Variants in ADAM22 observed in about 807,000 individuals in gnomAD.
The protein encoded by ADAM22 is disintegrin and metalloproteinase domain-containing protein 22.
ADAM22 carries 65 observed loss-of-function variants against 144.6 expected under a neutral mutation model. The observed-to-expected ratio is 0.45, with a 90% CI of 0.37 to 0.55. ADAM22 has a LOEUF of 0.55. ADAM22 is among the 20% of genes least tolerant of loss of function. The pLI, the probability that ADAM22 is intolerant of heterozygous loss-of-function variation, is 0.00. For synonymous variants in ADAM22, 391 were observed against 412.6 expected (o/e 0.95, Z 0.63); for missense variants, 974 against 1,184.9 (o/e 0.82, Z 2.61).
chr7:88,170,564 T>C (rs960395875), intron 25 of ADAM22, among the ~76,000 whole-genome samples: 1 of 151,856 alleles, frequency 6.6e-6, no homozygotes, highest in African/African-American at 2.4e-5. Context: ...GGCTTATTTT[T>C]CCCCCATCTG....
At chr7:88,144,546 TTG>T (rs1484093639) in intron 15 of ADAM22, among the ~76,000 whole-genome samples, 1 of 152,148 alleles carries the variant, frequency 6.6e-6, no homozygotes, top group Non-Finnish European at 1.5e-5. Flanking sequence ...GCTTTTCTCA[TTG>T]TCTATGAAAT....
At chr7:88,166,133 C>T (rs753475615) in intron 24 of ADAM22, among the ~76,000 whole-genome samples, 187 bp downstream of exon 24, 35 of 152,008 alleles carry the variant, frequency 2.3e-4, no homozygotes, top group African/African-American at 1.4e-4. Context: ...TGTAATATTA[C>T]GTATAACTTA....
chr7:88,189,852 G>A (rs1348815892), intron 30 of ADAM22, among the ~76,000 whole-genome samples: 6 of 152,148 alleles, frequency 3.9e-5, no homozygotes, highest in Non-Finnish European at 8.8e-5. Flanking sequence ...GCTGAGGCGG[G>A]AGAATCGCTT....
In ADAM22 at chr7:88,151,751, C is replaced by T. The variant is rs556697062; in HGVS notation, c.1681+431C>T. On this transcript the variant is annotated intron_variant, in intron 20 of 31. Coordinates refer to ENST00000413139, the MANE Select transcript of ADAM22 (RefSeq NM_001324418.2). ...GCATTTTATCTAGAGTCATTTTTTT[C>T]CTCCTTGGATATTTTTCTTAAACTC... 1.4e-4 allele frequency among the ~76,000 whole-genome samples: 22 copies of T among 152,190 alleles called. No individual in the cohort carries two copies. In the South Asian group the frequency reaches 4.6e-3, roughly 32 times the overall value.
chr7:87,953,118 G>T (rs1324671887), intron 2 of ADAM22, among the ~76,000 whole-genome samples: 1 of 146,696 alleles, frequency 6.8e-6, no homozygotes, highest in Non-Finnish European at 1.5e-5. Flanking sequence ...TTTTTGAAGG[G>T]TTTTTTTTTT....
At chr7:88,045,980 G>A (rs1217780353) in intron 3 of ADAM22, among the ~76,000 whole-genome samples, 1 of 149,268 alleles carries the variant, frequency 6.7e-6, no homozygotes, top group Non-Finnish European at 1.5e-5. Flanking sequence ...TAGATACTTA[G>A]TTTGACCCCA....
intron 4 of ADAM22, among the ~76,000 whole-genome samples, chr7:88,099,397 C>T (rs957570591): frequency 3.9e-5 from 6 of 152,064 alleles, no homozygotes; most frequent in African/African-American, 7.2e-5. Flanking sequence ...AGGAAAGGGC[C>T]GGCTAACCTG....
At chr7:88,126,177 C>T (rs370827173) in intron 8 of ADAM22, among the ~76,000 whole-genome samples, 40 of 152,074 alleles carry the variant, frequency 2.6e-4, no homozygotes, top group South Asian at 1.0e-3. Flanking sequence ...GTTGATATGA[C>T]GCTTTAAACC....
chr7:87,953,500 TGAGA>T (rs1290956549), intron 2 of ADAM22, among the ~76,000 whole-genome samples: 1 of 152,230 alleles, frequency 6.6e-6, no homozygotes, highest in East Asian at 1.9e-4. Context: ...CACTGTGGTC[TGAGA>T]GACAGTTTGT....
intron 15 of ADAM22, among the ~76,000 whole-genome samples, 194 bp from the exon 16 acceptor site, chr7:88,144,931 A>T (rs1835899386): frequency 6.6e-6 from 1 of 152,102 alleles, no homozygotes; most frequent in South Asian, 2.1e-4. Context: ...ATTAAATATG[A>T]AAAGGAAACA....
At chr7:88,186,742 C>A in intron 30 of ADAM22, 41 bp downstream of exon 30, 1 of 1,234,772 alleles carries the variant, frequency 8.1e-7, no homozygotes, top group Non-Finnish European at 1.2e-6. Context: ...TCAAACTCTC[C>A]CAGCACATAC....
chr7:87,999,838 C>T (rs973222948), intron 3 of ADAM22, among the ~76,000 whole-genome samples: 1 of 152,050 alleles, frequency 6.6e-6, no homozygotes, highest in African/African-American at 2.4e-5. Flanking sequence ...CAGCTTGGTG[C>T]AGTGGCACAT....
chr7:88,040,797 T>C (rs1456993434), intron 3 of ADAM22, among the ~76,000 whole-genome samples: 6 of 151,916 alleles, frequency 3.9e-5, no homozygotes, highest in Admixed American at 2.6e-4. Context: ...CAGGGTGAAA[T>C]AAAGGTGTTG....
In ADAM22 at chr7:88,168,064, C is replaced by A; in HGVS notation, c.2192-73C>A. On this transcript the variant is annotated intron_variant, in intron 24 of 31. Coordinates refer to ENST00000413139, the MANE Select transcript of ADAM22 (RefSeq NM_001324418.2). ...AACAGTGTTGTTAGTGTGATGATTA[C>A]AAAACTGAACAATAAAGTTTCTGAA... The A allele has an allele frequency of 3.8e-6, 5 of 1,308,372 alleles. No homozygotes were observed. In the South Asian group the frequency reaches 5.1e-5, roughly 13 times the overall value. 81.0% of individuals were successfully genotyped at this position (1,308,372 alleles called of 1,614,324 possible).
chr7:88,040,317 A>G (rs1459222634), intron 3 of ADAM22, among the ~76,000 whole-genome samples: 1 of 151,902 alleles, frequency 6.6e-6, no homozygotes, highest in Non-Finnish European at 1.5e-5. Context: ...TTTTTAGTAG[A>G]GACGAGGTTT....
chr7:88,027,468 T>C (rs986768721), intron 3 of ADAM22, among the ~76,000 whole-genome samples: 9 of 152,238 alleles, frequency 5.9e-5, no homozygotes, highest in African/African-American at 7.2e-5. Context: ...TGGTAGGTTG[T>C]ATGTGTATAG....
chr7:88,061,841 T>C (rs543832959), intron 3 of ADAM22, among the ~76,000 whole-genome samples: 108 of 60,472 alleles, frequency 1.8e-3, no homozygotes, highest in African/African-American at 9.3e-3. Flanking sequence ...CTCTCTCTCT[T>C]TTTTTTTTTT....
At chr7:87,996,077 G>T (rs1015337696) in intron 3 of ADAM22, among the ~76,000 whole-genome samples, 7 of 152,148 alleles carry the variant, frequency 4.6e-5, no homozygotes, top group Non-Finnish European at 1.0e-4. Flanking sequence ...GGTTTATTTT[G>T]CAGTAATAGG....
chr7:88,063,915 C>T (rs944986499), intron 3 of ADAM22, among the ~76,000 whole-genome samples: 15 of 152,124 alleles, frequency 9.9e-5, no homozygotes, highest in Non-Finnish European at 2.1e-4. Context: ...TAACATCATG[C>T]ATTCTTTATT....
Sources: allele counts gnomAD v4.1 joint callset (sites outside exome capture counted in the v4.1 genomes callset), GRCh38; gene constraint gnomAD v4.1.1; transcripts MANE v1.5; gene names NCBI Gene and HGNC (gene_info 2026-07-23, HGNC 2026-07-21).